Variants in IL1RAPL1 observed in about 807,000 individuals in gnomAD.
IL1RAPL1 encodes interleukin 1 receptor accessory protein like 1, also known as interleukin-1 receptor accessory protein-like 1.
A neutral mutation model predicts 48.4 loss-of-function variants in IL1RAPL1; 3 were observed. The ratio of observed to expected loss-of-function variants is 0.06; its 90% CI spans 0.03 to 0.16. The LOEUF is 0.16. IL1RAPL1 is among the 10% of genes least tolerant of loss of function. The pLI is 1.00. For missense variants in IL1RAPL1, 349 were observed against 530.6 expected, an observed-to-expected ratio of 0.66 and a Z score of 3.36; for synonymous variants, 185 against 187.7, an observed-to-expected ratio of 0.99 and a Z score of 0.12.
At chrX:29,432,256 T>C (rs1934430517) in intron 5 of IL1RAPL1, among the ~76,000 whole-genome samples, 1 of 111,413 alleles carries the variant, frequency 9.0e-6, no homozygotes, top group Non-Finnish European at 1.9e-5. Flanking sequence ...GTCAATTCTT[T>C]CTCTGCCCCT....
chrX:29,595,710 C>A (rs1221240755), intron 5 of IL1RAPL1, among the ~76,000 whole-genome samples: 7 of 112,030 alleles, frequency 6.2e-5, no homozygotes, highest in African/African-American at 2.3e-4. Flanking sequence ...CTGATTATTT[C>A]TTTTGCTGTG....
rs1926750967 is a variant in IL1RAPL1 at position 29,690,807 on chromosome X, C to T, written c.778+22303C>T. Reference sequence around the variant, plus strand: ...AATGTGTCATGTCCATTAAAAGTCACTCATTCATAAGTATATATTATCAAG... The same window carrying T: ...AATGTGTCATGTCCATTAAAAGTCATTCATTCATAAGTATATATTATCAAG... On this transcript the variant is annotated intron_variant, in intron 6 of 10. Transcript: ENST00000378993. 2.7e-5 allele frequency among the ~76,000 whole-genome samples: 3 copies of T among 111,726 alleles called. No homozygotes were observed. In the Admixed American group the frequency reaches 2.9e-4, roughly 11 times the overall value.
intron 6 of IL1RAPL1, among the ~76,000 whole-genome samples, chrX:29,782,236 T>C (rs1929363569): frequency 9.0e-6 from 1 of 110,738 alleles, no homozygotes; most frequent in African/African-American, 3.3e-5. Flanking sequence ...TTTTAAAAAA[T>C]GGACCAATTT....
At chrX:28,840,706 G>T in intron 2 of IL1RAPL1, among the ~76,000 whole-genome samples, 1 of 110,127 alleles carries the variant, frequency 9.1e-6, no homozygotes, top group Admixed American at 9.7e-5. Context: ...AAGATGGTTG[G>T]ACTTTATCTC....
At chrX:29,782,096 G>GTCTA (rs1464490641) in intron 6 of IL1RAPL1, among the ~76,000 whole-genome samples, 20,966 of 89,672 alleles carry the variant, frequency 0.23, 2,365 homozygotes, top group Non-Finnish European at 0.28. Flanking sequence ...CTGTCTGTCT[G>GTCTA]TCTGTCTATC....
intron 6 of IL1RAPL1, among the ~76,000 whole-genome samples, chrX:29,773,254 G>A (rs145177153): frequency 2.5e-3 from 282 of 111,821 alleles, no homozygotes; most frequent in African/African-American, 8.3e-3. Flanking sequence ...AAGATGCTTC[G>A]ACCTTGTTCT....
chrX:29,452,689 A>C (rs1464882148), intron 5 of IL1RAPL1, among the ~76,000 whole-genome samples: 2 of 111,315 alleles, frequency 1.8e-5, no homozygotes, highest in Non-Finnish European at 3.8e-5. Flanking sequence ...CAGTGCCTGG[A>C]CAAGAGTACA....
intron 9 of IL1RAPL1, among the ~76,000 whole-genome samples, chrX:29,942,969 G>T (rs1933156616): frequency 9.2e-6 from 1 of 109,071 alleles, no homozygotes; most frequent in Non-Finnish European, 1.9e-5. Context: ...CAGTTTTGCA[G>T]TAAATGGTAC....
chrX:28,763,679 T>C (rs1431087571), intron 1 of IL1RAPL1, among the ~76,000 whole-genome samples: 2 of 111,359 alleles, frequency 1.8e-5, no homozygotes, highest in Non-Finnish European at 3.8e-5. Context: ...ACTAGGAGTC[T>C]CTAGTCCTAT....
intron 2 of IL1RAPL1, among the ~76,000 whole-genome samples, chrX:29,076,664 A>T (rs1465355320): frequency 9.0e-6 from 1 of 111,098 alleles, no homozygotes; most frequent in African/African-American, 3.3e-5. Context: ...AAACATTATT[A>T]TTCACATACC....
intron 6 of IL1RAPL1, among the ~76,000 whole-genome samples, chrX:29,782,100 GTCTATCTA>G (rs57978861): frequency 6.2e-4 from 52 of 84,005 alleles, no homozygotes; most frequent in South Asian, 1.9e-3. Context: ...CTGTCTGTCT[GTCTATCTA>G]TCTATCTATC....
chrX:29,153,401 C>T (rs1222411923), intron 2 of IL1RAPL1, among the ~76,000 whole-genome samples: 2 of 111,735 alleles, frequency 1.8e-5, no homozygotes, highest in East Asian at 5.6e-4. Flanking sequence ...CTGCCTACCA[C>T]AATTGATATG....
chrX:29,279,153 T>C (rs1319077948), intron 2 of IL1RAPL1, among the ~76,000 whole-genome samples: 1 of 112,601 alleles, frequency 8.9e-6, no homozygotes, highest in African/African-American at 3.2e-5. Context: ...AATGATTTTA[T>C]GCAGGCCGGG....
In IL1RAPL1 at chrX:29,696,866, C is replaced by A. The variant is rs951144211; in HGVS notation, c.778+28362C>A. ...ATTAGCTATTTACTAACTTGTGCCT[C>A]GGCATAATTTTTCTTATACTTGAAT... is the stretch of plus-strand genomic sequence containing the variant. On this transcript the variant is annotated intron_variant, in intron 6 of 10. Transcript: ENST00000378993. Among the ~76,000 whole-genome samples the A allele has an allele frequency of 1.2e-4, 13 of 110,275 alleles. No homozygotes were observed. The East Asian group carries it at 2.6e-3, about 22-fold the overall frequency.
chrX:29,774,204 A>AT (rs1469556236), intron 6 of IL1RAPL1, among the ~76,000 whole-genome samples: 4 of 104,912 alleles, frequency 3.8e-5, no homozygotes, highest in Non-Finnish European at 7.8e-5. Flanking sequence ...AAAAATTGTT[A>AT]TTTTTTTAAA....
At chrX:29,078,523 A>G (rs1301837009) in intron 2 of IL1RAPL1, among the ~76,000 whole-genome samples, 1 of 112,262 alleles carries the variant, frequency 8.9e-6, no homozygotes, top group African/African-American at 3.2e-5. Context: ...TTGAAGGCCA[A>G]CAAAAATTAC....
chrX:29,255,146 T>TGC lies in IL1RAPL1; in HGVS notation c.83-27791_83-27790insCG, dbSNP rs200057405. ...ATTTGTGTGTGTGTGTGTGTGCGTG[T>TGC]GTGTGTGTGTGTGTGTGTGAAATTC... On this transcript the variant is annotated intron_variant, in intron 2 of 10. Coordinates refer to ENST00000378993, the MANE Select transcript of IL1RAPL1 (RefSeq NM_014271.4). 6.7e-3 allele frequency among the ~76,000 whole-genome samples: 725 copies of TGC among 107,898 alleles called. 3 individuals carry two copies. Among genetic ancestry groups the TGC allele is most frequent in the African/African-American group, 0.023 (660 of 28,859 alleles). The allele number at this position is 107,898 out of a possible 115,157, so 93.7% of individuals were successfully genotyped here.
At chrX:29,920,997 C>G (rs911890212) in intron 8 of IL1RAPL1, among the ~76,000 whole-genome samples, 4 of 110,675 alleles carry the variant, frequency 3.6e-5, no homozygotes, top group African/African-American at 1.3e-4. Flanking sequence ...ACAATAGTCT[C>G]CAATGATGAA....
chrX:29,454,939 G>A (rs953448318), intron 5 of IL1RAPL1, among the ~76,000 whole-genome samples: 3 of 110,453 alleles, frequency 2.7e-5, no homozygotes, highest in South Asian at 3.8e-4. Flanking sequence ...GGTAGATCCC[G>A]AGTGCACAGG....
Sources: gnomAD v4.1 joint callset for allele counts (sites outside exome capture counted in the v4.1 genomes callset) on GRCh38, gnomAD v4.1.1 for gene constraint, MANE v1.5 for transcripts, NCBI Gene and HGNC (gene_info 2026-07-23, HGNC 2026-07-21) for gene names.